CCDC7: variants seen among roughly 807,000 people sequenced by gnomAD.
CCDC7 encodes the protein coiled-coil domain containing 7.
CCDC7 carries 183 observed loss-of-function variants against 196.9 expected under a neutral mutation model. The observed-to-expected ratio is 0.93, with a 90% confidence interval of 0.82 to 1.05. The LOEUF (loss-of-function observed/expected upper bound fraction) is 1.05, where lower values mean the gene tolerates loss of function less well. Among genes scored for constraint, CCDC7 ranks in the 50% least tolerant of loss-of-function variants. The pLI is 0.00. For missense variants in CCDC7, 1,540 were observed against 1,482.2 expected (o/e 1.04, Z -0.64); for synonymous variants, 525 against 484.6 (o/e 1.08, Z -1.10).
intron 28 of CCDC7, among the ~76,000 whole-genome samples, chr10:32,775,759 A>G (rs2079918211): frequency 6.6e-6 from 1 of 152,040 alleles, no homozygotes; most frequent in Non-Finnish European, 1.5e-5. Flanking sequence ...ACACATGAAT[A>G]TATGTCTTAA....
At chr10:32,742,761 G>A (rs973616142) in intron 28 of CCDC7, among the ~76,000 whole-genome samples, 2 of 152,170 alleles carry the variant, frequency 1.3e-5, no homozygotes, top group African/African-American at 2.4e-5. Context: ...CCTTCTCACT[G>A]TACCTTCATG....
intron 21 of CCDC7, among the ~76,000 whole-genome samples, chr10:32,677,481 A>G (rs1294830200): frequency 6.6e-6 from 1 of 152,072 alleles, no homozygotes; most frequent in Non-Finnish European, 1.5e-5. Context: ...TTTAAAGCAC[A>G]ATTTTTCTGG....
chr10:32,519,382 G>A (rs959176601), intron 11 of CCDC7, among the ~76,000 whole-genome samples: 10 of 152,132 alleles, frequency 6.6e-5, no homozygotes, highest in South Asian at 6.2e-4. Context: ...GATGGCTTGA[G>A]GATGTTGCAG....
chr10:32,603,869 A>G (rs1458935749), intron 18 of CCDC7, among the ~76,000 whole-genome samples: 4 of 152,032 alleles, frequency 2.6e-5, no homozygotes, highest in African/African-American at 7.2e-5. Flanking sequence ...TGTTGAAGGA[A>G]TAGTTTGCAA....
chr10:32,809,206 A>G (rs1444510382), intron 30 of CCDC7, among the ~76,000 whole-genome samples: 5 of 152,198 alleles, frequency 3.3e-5, no homozygotes, highest in Admixed American at 6.5e-5. Flanking sequence ...AAAGAACACA[A>G]TAATTCTTCA....
intron 13 of CCDC7, among the ~76,000 whole-genome samples, chr10:32,555,199 G>A (rs1348807051): frequency 6.6e-6 from 1 of 151,104 alleles, no homozygotes; most frequent in Non-Finnish European, 1.5e-5. Context: ...TCCTTTTTTT[G>A]TACATACCTA....
chr10:32,582,399 C>G (rs961881892), intron 16 of CCDC7, among the ~76,000 whole-genome samples: 1 of 151,726 alleles, frequency 6.6e-6, no homozygotes, highest in African/African-American at 2.4e-5. Context: ...ACTAGGAAAG[C>G]TTTGTTAAAT....
In CCDC7 at chr10:32,595,540, C is replaced by T. The variant is rs145509724; in HGVS notation, c.1801+11236C>T. ...TTTGAAGAGTTTTTTGTCTCTATCT[C>T]CTTCAGTTCTGCTCTGATCTTAGTT... On this transcript the variant is annotated intron_variant, in intron 18 of 41. Coordinates refer to ENST00000639629, the Ensembl canonical transcript of CCDC7. Among the ~76,000 whole-genome samples the T allele has an allele frequency of 8.2e-3, 1,253 of 152,262 alleles. 8 individuals are homozygous for T. The highest frequency in any genetic ancestry group is 0.014 in the Non-Finnish European group (983 of 68,010).
At chr10:32,583,254 G>A (rs1369328651) in exon 17 of CCDC7, 13 of 1,231,088 alleles carry the variant, frequency 1.1e-5, no homozygotes, top group Non-Finnish European at 1.3e-5. Flanking sequence ...TCAAAAAAAC[G>A]AAACAGTGAT....
At chr10:32,759,584 A>G (rs543853609) in intron 28 of CCDC7, among the ~76,000 whole-genome samples, 1 of 152,348 alleles carries the variant, frequency 6.6e-6, no homozygotes, top group East Asian at 1.9e-4. Context: ...ACCTTATACA[A>G]AAATTAATTC....
intron 18 of CCDC7, among the ~76,000 whole-genome samples, chr10:32,603,709 T>C (rs2061307459): frequency 6.6e-6 from 1 of 152,094 alleles, no homozygotes; most frequent in South Asian, 2.1e-4. Flanking sequence ...TGATTAATGA[T>C]GTTGAGCATT....
At chr10:32,690,727 G>T (rs1465827621) in intron 23 of CCDC7, among the ~76,000 whole-genome samples, 1 of 152,158 alleles carries the variant, frequency 6.6e-6, no homozygotes, top group African/African-American at 2.4e-5. Context: ...TGTTAATCTG[G>T]ATATTTACAT....
At chr10:32,522,927 T>C (rs2048092970) in intron 11 of CCDC7, among the ~76,000 whole-genome samples, 1 of 152,186 alleles carries the variant, frequency 6.6e-6, no homozygotes, top group Non-Finnish European at 1.5e-5. Flanking sequence ...TGATTGGTCA[T>C]TCAGGAGCAT....
intron 21 of CCDC7, among the ~76,000 whole-genome samples, chr10:32,683,886 A>G (rs529888560): frequency 6.6e-6 from 1 of 152,294 alleles, no homozygotes; most frequent in East Asian, 1.9e-4. Context: ...CTGCATGAAA[A>G]GCAGTGTGGC....
At chr10:32,567,763 G>A in exon 15 of CCDC7, 3 of 1,613,226 alleles carry the variant, frequency 1.9e-6, no homozygotes, top group Non-Finnish European at 2.5e-6. Context: ...AATGCAAGTG[G>A]GTAATAGTCA....
intron 28 of CCDC7, among the ~76,000 whole-genome samples, chr10:32,733,089 T>C (rs1476473790): frequency 6.6e-6 from 1 of 152,104 alleles, no homozygotes; most frequent in Non-Finnish European, 1.5e-5. Context: ...TTGAATCTCC[T>C]TTTAAAGTTT....
intron 11 of CCDC7, among the ~76,000 whole-genome samples, chr10:32,534,854 TTGTC>T (rs1435974674): frequency 2.0e-5 from 3 of 152,090 alleles, no homozygotes; most frequent in Non-Finnish European, 4.4e-5. Flanking sequence ...TTCTTTGTCT[TTGTC>T]TGTTGTTGGT....
At chr10:32,534,639 T>C (rs886875059) in intron 11 of CCDC7, among the ~76,000 whole-genome samples, 3 of 152,072 alleles carry the variant, frequency 2.0e-5, no homozygotes, top group Non-Finnish European at 4.4e-5. Context: ...TAGTAAATGA[T>C]GAGAGTGCTG....
intron 31 of CCDC7, among the ~76,000 whole-genome samples, chr10:32,817,277 A>C (rs2088915181): frequency 6.6e-6 from 1 of 152,204 alleles, no homozygotes. Flanking sequence ...CAAGAAGAGA[A>C]GTTTAGAGAA....
Sources: gnomAD v4.1 joint callset for allele counts (sites outside exome capture counted in the v4.1 genomes callset) on GRCh38, gnomAD v4.1.1 for gene constraint, MANE v1.5 for transcripts, NCBI Gene and HGNC (gene_info 2026-07-23, HGNC 2026-07-21) for gene names.